C3: variants seen among roughly 807,000 people sequenced by gnomAD.
C3 encodes C3 and PZP-like alpha-2-macroglobulin domain-containing protein 1.
Under a neutral mutation model 207.9 loss-of-function variants are expected in C3, and 97 were observed. That is an observed-to-expected ratio of 0.47 (90% CI 0.40 to 0.55). The LOEUF (loss-of-function observed/expected upper bound fraction) is 0.55. Ranked by LOEUF, C3 falls within the 20% of genes least tolerant of loss-of-function variation. The probability of loss-of-function intolerance (pLI) is 0.00; values close to 1 mark genes in which losing one functional copy is unlikely to be tolerated. For synonymous variants in C3, 848 were observed against 857.6 expected (o/e 0.99, Z 0.20); for missense variants, 1,684 against 2,171.7 (o/e 0.78, Z 4.46).
At chr19:6,686,645 A>G in intron 28 of C3, 101 bp downstream of exon 28, 2 of 1,279,026 alleles carry the variant, frequency 1.6e-6, no homozygotes, top group Non-Finnish European at 2.3e-6. Flanking sequence ...GCTTAGGGTC[A>G]TCTGTCCCAG....
chr19:6,678,017 G>A lies in C3; in HGVS notation c.4857C>T (p.Ser1619=), dbSNP rs753349401. Reference sequence around the variant, plus strand: ...CCCAAGTGTCCTTCCCGATGATGTAGCTGAGGCTGGAGGGAAGAATGGCAG... The same window carrying A: ...CCCAAGTGTCCTTCCCGATGATGTAACTGAGGCTGGAGGGAAGAATGGCAG... ...SDFWGEKPNL[S]YIIGKDTWVE... Residue 1619 remains serine (S), a synonymous_variant, in exon 41 of 41, where the codon AGC becomes AGT. Transcript: ENST00000245907. 9 of 1,614,084 alleles carry A rather than the reference G, an allele frequency of 5.6e-6. No homozygotes were observed. The East Asian group carries it at 2.0e-4, about 36-fold the overall frequency.
chr19:6,693,235 C>A lies in C3; in HGVS notation c.3231-152G>T. ...CAGGACCCAGCTGTTGTATGCGGTC[C>A]GTGCTTAAGGATGCTTAATGACCGC... On this transcript the variant is annotated intron_variant, in intron 25 of 40. Coordinates refer to ENST00000245907, the MANE Select transcript of C3 (RefSeq NM_000064.4). 9.0e-6 allele frequency: 10 copies of A among 1,111,976 alleles called. 1 individual carries two copies. Among genetic ancestry groups the A allele is most frequent in the Middle Eastern group, 5.6e-4 (2 of 3,540 alleles). The allele number at this position is 1,111,976 out of a possible 1,614,324, so 68.9% of individuals were successfully genotyped here. A position where few individuals can be genotyped will look rare whatever the true frequency, so the allele number is the denominator to read the frequency against.
At chr19:6,704,512 A>T (rs959809099) in intron 17 of C3, among the ~76,000 whole-genome samples, 5 of 152,116 alleles carry the variant, frequency 3.3e-5, no homozygotes, top group Non-Finnish European at 7.4e-5. Context: ...TAATCCCAAT[A>T]CTTTGGGAGG....
rs537531577 is a variant in C3, at chr19:6,714,184, A to T, written c.664T>A (p.Phe222Ile). 33 of 1,613,266 alleles carry T rather than the reference A, an allele frequency of 2.0e-5. No individual in the cohort carries two copies. The African/African-American group carries it at 3.9e-4, about 19-fold the overall frequency. The change falls in exon 6 of 41, where the codon TTT (phenylalanine) becomes ATT (isoleucine). Residue 222 changes from phenylalanine to isoleucine, a missense_variant. By Grantham distance (21) the Phe-to-Ile change is conservative. Coordinates refer to ENST00000245907, the MANE Select transcript of C3 (RefSeq NM_000064.4). ...CTCTTACCGTACTCCTTCACCTCAA[A>T]CTCAGTGGAGAAGACCTGCTGTGGT... ...NSPQQVFSTEFEVKEYVLPSF... is the reference protein window; with the variant it reads ...NSPQQVFSTEIEVKEYVLPSF...
At chr19:6,709,631 C>A in intron 14 of C3, 53 bp downstream of exon 14, 1 of 1,513,468 alleles carries the variant, frequency 6.6e-7, no homozygotes, top group Admixed American at 1.7e-5. Context: ...CTCCCCCAGC[C>A]CCAGCTCCGT....
intron 3 of C3, 33 bp from the exon 4 acceptor site, chr19:6,718,197 T>TA: frequency 6.2e-7 from 1 of 1,614,056 alleles, no homozygotes; most frequent in Non-Finnish European, 8.5e-7. Flanking sequence ...CGTGAGACCC[T>TA]AGCCCGCCCA....
rs1161107925 is a variant in C3, at chr19:6,719,827, C to G, written c.75-424G>C. On this transcript the variant is annotated intron_variant, in intron 1 of 40. Coordinates refer to ENST00000245907, the MANE Select transcript of C3 (RefSeq NM_000064.4). This position sits in a 1 kb window ranked among gnomAD's most constrained non-coding sequence, Gnocchi z 5.4. ...TGTAAACACTCAAACTCCCGGACACCCTCAACTCTACCTACCCAAACCCAC... is the reference window on the plus strand; with the variant it reads ...TGTAAACACTCAAACTCCCGGACACGCTCAACTCTACCTACCCAAACCCAC... 1.3e-5 allele frequency among the ~76,000 whole-genome samples: 2 copies of G among 152,082 alleles called. No individual in the cohort carries two copies. The highest frequency in any genetic ancestry group is 2.9e-5 in the Non-Finnish European group (2 of 68,020).
intron 2 of C3, 63 bp from the exon 3 acceptor site, chr19:6,718,475 C>T: frequency 6.3e-7 from 1 of 1,596,710 alleles, no homozygotes; most frequent in Non-Finnish European, 8.6e-7. Flanking sequence ...GGTCCAGCTT[C>T]CGGATCTTGG....
intron 27 of C3, among the ~76,000 whole-genome samples, chr19:6,687,348 G>GTCA (rs958832826): frequency 3.3e-5 from 5 of 152,140 alleles, no homozygotes; most frequent in Non-Finnish European, 7.4e-5. Context: ...ACCTCATCCA[G>GTCA]TCATCATCAT....
At chr19:6,698,851 G>A (rs1967592763) in intron 19 of C3, among the ~76,000 whole-genome samples, 1 of 152,058 alleles carries the variant, frequency 6.6e-6, no homozygotes, top group African/African-American at 2.4e-5. Flanking sequence ...CTGGAGTGCA[G>A]TGGCGTGATC....
At chr19:6,678,754 C>T (rs1917785138) in intron 38 of C3, among the ~76,000 whole-genome samples, 1 of 152,088 alleles carries the variant, frequency 6.6e-6, no homozygotes, top group Non-Finnish European at 1.5e-5. Context: ...ATACTGTAGC[C>T]TCATGGCCAT....
At chr19:6,700,589 T>C (rs1267442208) in intron 19 of C3, among the ~76,000 whole-genome samples, 1 of 38,500 alleles carries the variant, frequency 2.6e-5, no homozygotes, top group Non-Finnish European at 4.0e-5. Flanking sequence ...ATATGTAATA[T>C]ATAATATATG....
At position 6,702,345 on chromosome 19, in the gene C3, C is replaced by A. The variant is rs1967694407; in HGVS notation, c.2354+126G>T. 7.3e-6 allele frequency: 7 copies of A among 956,434 alleles called. No homozygotes were observed. The South Asian group carries it at 9.2e-5, about 13-fold the overall frequency. The allele number at this position is 956,434 out of a possible 1,614,324, so 59.2% of individuals were successfully genotyped here. A position where few individuals can be genotyped will look rare whatever the true frequency, so the allele number is the denominator to read the frequency against. On this transcript the variant is annotated intron_variant, in intron 18 of 40. Coordinates refer to ENST00000245907, the MANE Select transcript of C3 (RefSeq NM_000064.4). ...GTGCCTCCATGTAGGTCACCCAATT[C>A]CTGATTTTTCTAGGTTGGGCTGTGG... is the stretch of plus-strand genomic sequence containing the variant.
At chr19:6,682,076 C>T in intron 34 of C3, 46 bp from the exon 35 acceptor site, 1 of 1,603,218 alleles carries the variant, frequency 6.2e-7, no homozygotes, top group Middle Eastern at 1.7e-4. Flanking sequence ...GGACCCCTCT[C>T]TCCCTGCAGC....
chr19:6,679,522 G>A, intron 36 of C3, 26 bp from the exon 37 acceptor site: 1 of 1,514,992 alleles, frequency 6.6e-7, no homozygotes, highest in Middle Eastern at 1.7e-4. Context: ...ATGTGAAGAT[G>A]AGAGGATAAG....
chr19:6,698,581 T>C (rs1347543875), intron 19 of C3, among the ~76,000 whole-genome samples: 1 of 151,956 alleles, frequency 6.6e-6, no homozygotes, highest in African/African-American at 2.4e-5. Context: ...CGGTGGCTCA[T>C]GCCTGTAATC....
intron 37 of C3, 64 bp from the exon 38 acceptor site, chr19:6,679,272 G>A (rs1459830036): frequency 6.6e-7 from 1 of 1,503,940 alleles, no homozygotes; most frequent in East Asian, 2.3e-5. Context: ...CTGCCCATGG[G>A]TGTGGCCAGC....
In C3 at chr19:6,692,937, T is replaced by G; in HGVS notation, c.3377A>C (p.His1126Pro). The G allele has an allele frequency of 6.2e-7, 1 of 1,614,044 alleles. No homozygotes were observed. The highest frequency in any genetic ancestry group is 8.5e-7 in the Non-Finnish European group (1 of 1,180,008). Residue 1126 changes from histidine to proline, a missense_variant, in exon 26 of 41, where the codon CAC (histidine) becomes CCC (proline). Around this residue, in one of 3 missense-constraint regions of C3, gnomAD observed 1,280 missense variants for 1,739.1 expected, o/e 0.74. Transcript: ENST00000245907. ...CCAGCCTCTTACAATCATTTCTTGGTGTATCACGGGCGCATCCTCCTGGAA... is the reference window on the plus strand; with the variant it reads ...CCAGCCTCTTACAATCATTTCTTGGGGTATCACGGGCGCATCCTCCTGGAA... ...GVFQEDAPVI[H>P]QEMIGGLRNN... is the part of the protein sequence containing the mutation.
At position 6,719,179 on chromosome 19, in the gene C3, G is replaced by A. The variant is rs11569405; in HGVS notation, c.267+32C>T. 48 of 1,599,572 alleles carry A rather than the reference G, an allele frequency of 3.0e-5. No individual in the cohort carries two copies. In the African/African-American group the frequency reaches 5.6e-4, roughly 19 times the overall value. On this transcript the variant is annotated intron_variant, in intron 2 of 40. Coordinates refer to ENST00000245907, the MANE Select transcript of C3 (RefSeq NM_000064.4). This position sits in a 1 kb window ranked among gnomAD's most constrained non-coding sequence, Gnocchi z 5.4. ...GGGGGGAGTGGGCGTGGCTGTGGGT[G>A]TCAGCCGGGTCCTGCGCCAGTCTGC...
Sources: allele counts gnomAD v4.1 joint callset (sites outside exome capture counted in the v4.1 genomes callset), GRCh38; gene constraint gnomAD v4.1.1; regional missense constraint gnomAD v4.1.1; non-coding constraint Gnocchi (gnomAD v3.1); transcripts MANE v1.5; gene names NCBI Gene and HGNC (gene_info 2026-07-23, HGNC 2026-07-21).